The following RFWD3 variants were observed in gnomAD, a reference collection of about 807,000 sequenced individuals.
RFWD3 encodes the protein ring finger and WD repeat domain 3.
In RFWD3, 65 loss-of-function variants were observed where a neutral mutation model predicts 87.7. The observed-to-expected ratio is 0.74, with a 90% CI of 0.61 to 0.91. The LOEUF is 0.91. Among genes scored for constraint, RFWD3 ranks in the 40% least tolerant of loss-of-function variants. RFWD3 has a pLI of 0.00. For missense variants in RFWD3, 1,078 were observed against 938.5 expected (o/e 1.15, Z -1.94); for synonymous variants, 433 against 352.8 (o/e 1.23, Z -2.55).
At chr16:74,636,116 T>G (rs1030396026) in intron 8 of RFWD3, among the ~76,000 whole-genome samples, 2 of 152,246 alleles carry the variant, frequency 1.3e-5, no homozygotes, top group African/African-American at 2.4e-5. Flanking sequence ...CCTCACCATC[T>G]GCTTTATCAT....
In RFWD3 at chr16:74,623,617, G is replaced by A. The variant is rs1332322946; in HGVS notation, c.*311C>T. 3 of 243,136 alleles carry A rather than the reference G, an allele frequency of 1.2e-5. No homozygotes were observed. The highest frequency in any genetic ancestry group is 2.4e-5 in the Non-Finnish European group (3 of 125,308). 15.1% of individuals were successfully genotyped at this position (243,136 alleles called of 1,614,324 possible). Reference sequence around the variant, plus strand: ...AGATGATGAGAGGACACTCTCTAAGGTCCAGAAAGTCACACAGAAAATAAA... The same window carrying A: ...AGATGATGAGAGGACACTCTCTAAGATCCAGAAAGTCACACAGAAAATAAA... On this transcript the variant is annotated 3_prime_UTR_variant, in exon 13 of 13. Coordinates refer to ENST00000361070, the MANE Select transcript of RFWD3 (RefSeq NM_018124.4).
At chr16:74,656,605 G>A (rs980783532) in intron 2 of RFWD3, among the ~76,000 whole-genome samples, 24 of 151,974 alleles carry the variant, frequency 1.6e-4, no homozygotes, top group African/African-American at 5.8e-4. Flanking sequence ...CTACAGGCAT[G>A]CACACCATGC....
In RFWD3 at chr16:74,658,945, T is replaced by TG. The variant is rs1324280179; in HGVS notation, c.518+1986_518+1987insC. Among the ~76,000 whole-genome samples, 4 of 152,108 alleles carry TG rather than the reference T, an allele frequency of 2.6e-5. No homozygotes were observed. The East Asian group carries it at 7.7e-4, about 29-fold the overall frequency. On this transcript the variant is annotated intron_variant, in intron 2 of 12. Coordinates refer to ENST00000361070, the MANE Select transcript of RFWD3 (RefSeq NM_018124.4). ...ACCACGCCCGGCTAATTTTTTGTAT[T>TG]TTTAGTAGAGATGGGGTTTCACCAT...
At position 74,643,669 on chromosome 16, in the gene RFWD3, G is replaced by GCTTTTT. The variant is rs56803461; in HGVS notation, c.1079+692_1079+693insAAAAAG. On this transcript the variant is annotated intron_variant, in intron 6 of 12. Transcript: ENST00000361070. ...ATACTGAGTGGTGTTACTAGCAACT[G>GCTTTTT]TTTTTTTTTTTTTTTTTTTTTTTTG... Among the ~76,000 whole-genome samples the GCTTTTT allele has an allele frequency of 7.8e-4, 82 of 105,070 alleles. 32 individuals carry two copies. The highest frequency in any genetic ancestry group is 1.3e-3 in the East Asian group (4 of 3,064). The allele number at this position is 105,070 out of a possible 152,430, so 68.9% of individuals were successfully genotyped here.
Position 74,623,866 on chromosome 16 carries a change from C to A in RFWD3, c.*62G>T. 1.3e-6 allele frequency: 2 copies of A among 1,543,696 alleles called. No individual in the cohort carries two copies. The highest frequency in any genetic ancestry group is 1.8e-6 in the Non-Finnish European group (2 of 1,122,760). ...CAATAAACAGGGATCTTGCTTGGGG[C>A]TGCTAGGCGCTAGCAAACAACATCT... is the stretch of plus-strand genomic sequence containing the variant. On this transcript the variant is annotated 3_prime_UTR_variant, in exon 13 of 13. Coordinates refer to ENST00000361070, the MANE Select transcript of RFWD3 (RefSeq NM_018124.4).
chr16:74,644,279 G>A lies in RFWD3; in HGVS notation c.1079+83C>T, dbSNP rs1243424187. ...CACAGGTCAAGTAAAACCTCACTACGAGTGACTCATAACTTCTTTTTCAGA... is the reference window on the plus strand; with the variant it reads ...CACAGGTCAAGTAAAACCTCACTACAAGTGACTCATAACTTCTTTTTCAGA... On this transcript the variant is annotated intron_variant, in intron 6 of 12. Transcript: ENST00000361070. 1.1e-5 allele frequency: 15 copies of A among 1,324,554 alleles called. No homozygotes were observed. In the East Asian group the frequency reaches 1.8e-4, roughly 16 times the overall value. 82.1% of individuals were successfully genotyped at this position (1,324,554 alleles called of 1,614,324 possible). A position where few individuals can be genotyped will look rare whatever the true frequency, so the allele number is the denominator to read the frequency against.
chr16:74,639,036 C>CTTT (rs564298799), intron 6 of RFWD3, among the ~76,000 whole-genome samples: 1 of 132,114 alleles, frequency 7.6e-6, no homozygotes, highest in African/African-American at 2.9e-5. Context: ...TGAGCTAAGA[C>CTTT]TTTTTTTTTT....
intron 4 of RFWD3, among the ~76,000 whole-genome samples, chr16:74,646,948 T>G (rs1960196303): frequency 6.6e-6 from 1 of 151,126 alleles, no homozygotes; most frequent in South Asian, 2.1e-4. Flanking sequence ...ATTAGCCAGG[T>G]GTGGTGGCAG....
At chr16:74,636,657 G>T (rs1191047502) in intron 7 of RFWD3, 80 bp from the exon 8 acceptor site, 2 of 1,083,850 alleles carry the variant, frequency 1.8e-6, no homozygotes, top group Non-Finnish European at 2.7e-6. Context: ...ATCTTTTACA[G>T]GAAGATTTTT....
chr16:74,638,889 T>A (rs1041027502), intron 6 of RFWD3, among the ~76,000 whole-genome samples: 4 of 152,206 alleles, frequency 2.6e-5, no homozygotes, highest in Admixed American at 6.5e-5. Flanking sequence ...ACCTACACAG[T>A]ATAGCCTACT....
intron 1 of RFWD3, among the ~76,000 whole-genome samples, chr16:74,662,157 T>G (rs553291272): frequency 3.9e-5 from 6 of 152,322 alleles, no homozygotes; most frequent in Non-Finnish European, 7.4e-5. Flanking sequence ...AAATTTTTTT[T>G]TGTTATATAG....
At chr16:74,657,768 C>G (rs1160712726) in intron 2 of RFWD3, among the ~76,000 whole-genome samples, 1 of 152,174 alleles carries the variant, frequency 6.6e-6, no homozygotes, top group Non-Finnish European at 1.5e-5. Context: ...GCCACTGCGC[C>G]TAGCCAGGTT....
At chr16:74,651,899 A>C in intron 3 of RFWD3, 21 bp downstream of exon 3, 1 of 1,611,950 alleles carries the variant, frequency 6.2e-7, no homozygotes, top group Non-Finnish European at 8.5e-7. Context: ...TTGTGAGTCC[A>C]AACCTGGGTA....
intron 6 of RFWD3, chr16:74,644,155 A>C (rs779501903): frequency 3.2e-6 from 2 of 618,288 alleles, no homozygotes; most frequent in Non-Finnish European, 5.8e-6. Context: ...AATGCTCTAC[A>C]TAAGGCAAAC....
chr16:74,665,527 G>A (rs977560213), intron 1 of RFWD3, among the ~76,000 whole-genome samples: 2 of 151,674 alleles, frequency 1.3e-5, no homozygotes, highest in Non-Finnish European at 2.9e-5. Flanking sequence ...GCAGTGAGCC[G>A]AGATCGCACC....
intron 6 of RFWD3, among the ~76,000 whole-genome samples, chr16:74,638,226 A>C (rs1423021074): frequency 6.6e-6 from 1 of 152,208 alleles, no homozygotes; most frequent in Non-Finnish European, 1.5e-5. Flanking sequence ...GAACAGAGCT[A>C]ATCTAGTGTT....
intron 12 of RFWD3, 72 bp downstream of exon 12, chr16:74,626,271 T>C (rs1222122486): frequency 1.4e-6 from 2 of 1,392,716 alleles, no homozygotes; most frequent in East Asian, 2.3e-5. Flanking sequence ...GTAAAAAAAG[T>C]TCATGTTTTC....
intron 6 of RFWD3, chr16:74,643,929 G>A (rs1366673728): frequency 2.4e-5 from 5 of 211,010 alleles, no homozygotes; most frequent in Non-Finnish European, 4.9e-5. Flanking sequence ...TGCCCACCTT[G>A]GCCTCCCAAA....
intron 2 of RFWD3, 31 bp from the exon 3 acceptor site, chr16:74,652,153 G>A (rs769479301): frequency 1.1e-5 from 18 of 1,585,846 alleles, no homozygotes; most frequent in Non-Finnish European, 1.5e-5. Context: ...CGGAATTATA[G>A]TACAATGAAC....
Sources: allele counts gnomAD v4.1 joint callset (sites outside exome capture counted in the v4.1 genomes callset), GRCh38; gene constraint gnomAD v4.1.1; transcripts MANE v1.5; gene names NCBI Gene and HGNC (gene_info 2026-07-23, HGNC 2026-07-21).